TSHZ3: variants seen among roughly 807,000 people sequenced by gnomAD.
TSHZ3 encodes teashirt zinc finger homeobox 3.
Under a neutral mutation model 64.5 loss-of-function variants are expected in TSHZ3, and 10 were observed. The observed-to-expected ratio is 0.16, with a 90% confidence interval of 0.10 to 0.26. TSHZ3 has a LOEUF of 0.26. Ranked by LOEUF, TSHZ3 falls within the 10% of genes least tolerant of loss-of-function variation. TSHZ3 has a pLI of 1.00. For missense variants in TSHZ3, 1,242 were observed against 1,421.7 expected (o/e 0.87, Z 2.03); for synonymous variants, 608 against 593.1 (o/e 1.03, Z -0.36).
In TSHZ3 at chr19:31,215,802, C is replaced by T. The variant is rs566340584; in HGVS notation, n.687-10724G>A. Among the ~76,000 whole-genome samples, 139 of 152,016 alleles carry T rather than the reference C, an allele frequency of 9.1e-4. No homozygotes were observed. In the South Asian group the frequency reaches 0.012, roughly 13 times the overall value. On this transcript the variant is annotated intron_variant and non_coding_transcript_variant, in intron 4 of 6. Coordinates refer to the TSHZ3 transcript ENST00000651361. Reference sequence around the variant, plus strand: ...AGGAGAATCACTTGAACCCGGGAGGCGGAGCTTGCAGTGAGCCGAGATCGT... The same window carrying T: ...AGGAGAATCACTTGAACCCGGGAGGTGGAGCTTGCAGTGAGCCGAGATCGT...
At position 31,208,001 on chromosome 19, in the gene TSHZ3, A is replaced by G. The variant is rs577132333; in HGVS notation, n.687-2923T>C. Among the ~76,000 whole-genome samples, 81 of 152,288 alleles carry G rather than the reference A, an allele frequency of 5.3e-4. No individual in the cohort carries two copies. The South Asian group carries it at 0.016, about 30-fold the overall frequency. On this transcript the variant is annotated intron_variant and non_coding_transcript_variant, in intron 4 of 6. Transcript: ENST00000651361. ...ACCTTTATCATAAGTGCAACGAATG[A>G]CTGCCTTTGCTGATTATAGAAACCT...
chr19:31,222,822 T>TGGG lies in TSHZ3; in HGVS notation n.686+5182_686+5183insCCC, dbSNP rs1348557395. ...CCTTCTCCATTTCTATTTTGCCATATAAACATGACAGAGAGTGATTCAGTA... is the reference window on the plus strand; with the variant it reads ...CCTTCTCCATTTCTATTTTGCCATATGGGAAACATGACAGAGAGTGATTCAGTA... On this transcript the variant is annotated intron_variant and non_coding_transcript_variant, in intron 4 of 6. Coordinates refer to the TSHZ3 transcript ENST00000651361. Among the ~76,000 whole-genome samples, 94 of 152,326 alleles carry TGGG rather than the reference T, an allele frequency of 6.2e-4. 2 individuals carry two copies. In the East Asian group the frequency reaches 0.017, roughly 28 times the overall value.
chr19:31,164,051 G>T (rs1376712004), intron 5 of TSHZ3, among the ~76,000 whole-genome samples: 1 of 152,136 alleles, frequency 6.6e-6, no homozygotes, highest in Admixed American at 6.5e-5. Flanking sequence ...GGTCGAGCTG[G>T]GAGTCTCACG....
rs1883527752 is a variant in TSHZ3 at position 31,277,760 on chromosome 19, C to T, written c.2033G>A (p.Cys678Tyr). 6.5e-7 allele frequency: 1 copy of T among 1,530,188 alleles called. No individual in the cohort carries two copies. The highest frequency in any genetic ancestry group is 8.8e-7 in the Non-Finnish European group (1 of 1,142,178). 94.8% of individuals were successfully genotyped at this position (1,530,188 alleles called of 1,614,324 possible). A position where few individuals can be genotyped will look rare whatever the true frequency, so the allele number is the denominator to read the frequency against. The change falls in exon 2 of 2, where the codon TGC (cysteine) becomes TAC (tyrosine). Residue 678 changes from cysteine (C) to tyrosine (Y), a missense_variant. This residue lies in a region of TSHZ3 where 550 missense variants were observed against 545.1 expected (regional missense o/e 1.01). Coordinates refer to ENST00000240587, the MANE Select transcript of TSHZ3 (RefSeq NM_020856.4). The surrounding 1 kb of genome is among the most constrained non-coding windows in gnomAD (Gnocchi z 4.5). Reference sequence around the variant, plus strand: ...CTCAGCGAGGGGGCTCCCATCCTTGCACCCATCCCGCGGGGGGCTGGGGCT... The same window carrying T: ...CTCAGCGAGGGGGCTCCCATCCTTGTACCCATCCCGCGGGGGGCTGGGGCT... ...ENSPSPPRDG[C>Y]KDGSPLAEPV...
chr19:31,179,060 T>C (rs1463786219), intron 5 of TSHZ3, among the ~76,000 whole-genome samples: 2 of 150,506 alleles, frequency 1.3e-5, no homozygotes, highest in Non-Finnish European at 2.9e-5. Flanking sequence ...AGCATGATGG[T>C]TGAATGGTCA....
At chr19:31,225,065 C>A (rs1975442601) in intron 4 of TSHZ3, among the ~76,000 whole-genome samples, 1 of 152,190 alleles carries the variant, frequency 6.6e-6, no homozygotes, top group Non-Finnish European at 1.5e-5. Context: ...TGAATTATGG[C>A]AAATTCTACT....
Position 31,344,045 on chromosome 19 carries a change from G to T in TSHZ3, c.40+5135C>A, listed in dbSNP as rs145183600. 3.9e-5 allele frequency among the ~76,000 whole-genome samples: 6 copies of T among 152,256 alleles called. No homozygotes were observed. In the East Asian group the frequency reaches 1.2e-3, roughly 29 times the overall value. On this transcript the variant is annotated intron_variant, in intron 1 of 1. Transcript: ENST00000240587. ...TTAAAAATGACTGCCTGTCTATTGA[G>T]TCTAATTACAACTGCACATTATCTG...
chr19:31,204,297 T>C (rs1975131398), intron 5 of TSHZ3, among the ~76,000 whole-genome samples: 1 of 151,580 alleles, frequency 6.6e-6, no homozygotes, highest in Admixed American at 6.6e-5. Flanking sequence ...CCTTTTTTCT[T>C]TCCTCCCTTC....
At chr19:31,303,340 C>T (rs1021014025) in intron 1 of TSHZ3, among the ~76,000 whole-genome samples, 2 of 152,226 alleles carry the variant, frequency 1.3e-5, no homozygotes, top group Non-Finnish European at 2.9e-5. Flanking sequence ...TGCACTGCGA[C>T]ATTGGTCGTG....
chr19:31,302,891 G>C, intron 1 of TSHZ3, among the ~76,000 whole-genome samples: 1 of 150,716 alleles, frequency 6.6e-6, no homozygotes, highest in South Asian at 2.1e-4. Flanking sequence ...CCCATTGCTT[G>C]CTTGGTGGAA....
chr19:31,265,445 A>C (rs66567650), intron 1 of TSHZ3, among the ~76,000 whole-genome samples: 44,665 of 146,016 alleles, frequency 0.31, 9,875 homozygotes, highest in African/African-American at 0.63. Flanking sequence ...AAAAGAAAAG[A>C]AAAGAAAAGA....
chr19:31,217,474 A>T lies in TSHZ3; in HGVS notation n.686+10531T>A, dbSNP rs35101235. 9.3e-3 allele frequency among the ~76,000 whole-genome samples: 1,417 copies of T among 151,604 alleles called. 9 individuals carry two copies. Among genetic ancestry groups the T allele is most frequent in the Non-Finnish European group, 0.014 (929 of 67,866 alleles). On this transcript the variant is annotated intron_variant and non_coding_transcript_variant, in intron 4 of 6. Transcript: ENST00000651361. ...GGAGGTCGTAATCTAATTTACCTTTAAAAAAAAATAAACTAGACTTTATTT... is the reference window on the plus strand; with the variant it reads ...GGAGGTCGTAATCTAATTTACCTTTTAAAAAAAATAAACTAGACTTTATTT...
At chr19:31,251,721 C>T (rs1422006073) in intron 1 of TSHZ3, among the ~76,000 whole-genome samples, 2 of 152,182 alleles carry the variant, frequency 1.3e-5, no homozygotes, top group Admixed American at 6.5e-5. Flanking sequence ...CCAAGGCCCC[C>T]GGAAGATGCA....
intron 5 of TSHZ3, among the ~76,000 whole-genome samples, chr19:31,201,453 A>G (rs1239478296): frequency 6.6e-6 from 1 of 152,242 alleles, no homozygotes; most frequent in Non-Finnish European, 1.5e-5. Flanking sequence ...AAAATTCACT[A>G]TGTTTGACAA....
At position 31,277,461 on chromosome 19, in the gene TSHZ3, C is replaced by T. The variant is rs762656477; in HGVS notation, c.2332G>A (p.Asp778Asn). 36 of 1,613,776 alleles carry T rather than the reference C, an allele frequency of 2.2e-5. No homozygotes were observed. The highest frequency in any genetic ancestry group is 1.1e-4 in the South Asian group (10 of 91,030). Residue 778 changes from aspartate (D) to asparagine (N), a missense_variant, in exon 2 of 2, where the codon GAC becomes AAC. Asp to Asn is a conservative substitution (Grantham distance 23). Around this residue, in one of 4 missense-constraint regions of TSHZ3, gnomAD observed 550 missense variants for 545.1 expected, o/e 1.01. Transcript: ENST00000240587. This position sits in a 1 kb window ranked among gnomAD's most constrained non-coding sequence, Gnocchi z 4.5. ...PLQSKKADHLDRYFYHVNNDQ... is the reference protein window; with the variant it reads ...PLQSKKADHLNRYFYHVNNDQ... ...TTGTTGACGTGGTAGAAATAGCGGT[C>T]GAGGTGGTCTGCCTTCTTGGACTGC...
intron 1 of TSHZ3, among the ~76,000 whole-genome samples, chr19:31,288,140 T>A (rs770412093): frequency 6.6e-5 from 10 of 152,238 alleles, no homozygotes; most frequent in East Asian, 3.9e-4. Flanking sequence ...TCCTTTTTTT[T>A]ATTTAAATAA....
intron 5 of TSHZ3, among the ~76,000 whole-genome samples, chr19:31,198,710 TAATA>T (rs1355601288): frequency 6.6e-6 from 1 of 152,186 alleles, no homozygotes; most frequent in East Asian, 1.9e-4. Context: ...TACATAGATA[TAATA>T]AATCTAACAA....
intron 1 of TSHZ3, among the ~76,000 whole-genome samples, chr19:31,337,305 C>CA (rs1168144996): frequency 6.6e-6 from 1 of 152,054 alleles, no homozygotes; most frequent in African/African-American, 2.4e-5. Flanking sequence ...GAAAAGCGAA[C>CA]AAAAAACAAA....
In TSHZ3 at chr19:31,277,746, G is replaced by T; in HGVS notation, c.2047C>A (p.Pro683Thr). 1.3e-6 allele frequency: 2 copies of T among 1,523,038 alleles called. No individual in the cohort carries two copies. The highest frequency in any genetic ancestry group is 1.3e-5 in the South Asian group (1 of 75,384). The allele number at this position is 1,523,038 out of a possible 1,614,324, so 94.3% of individuals were successfully genotyped here. The change falls in exon 2 of 2, where the codon CCC becomes ACC. Residue 683 changes from proline to threonine, a missense_variant. Transcript: ENST00000240587. This position sits in a 1 kb window ranked among gnomAD's most constrained non-coding sequence, Gnocchi z 4.5. ...CCATTCTCCACCGGCTCAGCGAGGG[G>T]GCTCCCATCCTTGCACCCATCCCGC... ...PPRDGCKDGSPLAEPVENGKE... is the reference protein window; with the variant it reads ...PPRDGCKDGSTLAEPVENGKE...
Sources: allele counts gnomAD v4.1 joint callset (sites outside exome capture counted in the v4.1 genomes callset), GRCh38; gene constraint gnomAD v4.1.1; regional missense constraint gnomAD v4.1.1; non-coding constraint Gnocchi (gnomAD v3.1); transcripts MANE v1.5; gene names NCBI Gene and HGNC (gene_info 2026-07-23, HGNC 2026-07-21).